Variants in RASAL1 observed in about 807,000 individuals in gnomAD.
The protein encoded by RASAL1 is rasGAP-activating-like protein 1.
A neutral mutation model predicts 96.6 loss-of-function variants in RASAL1; 72 were observed. The ratio of observed to expected loss-of-function variants is 0.75; its 90% confidence interval spans 0.62 to 0.91. The LOEUF is 0.91. Ranked by LOEUF, RASAL1 falls within the 40% of genes least tolerant of loss-of-function variation. The pLI is 0.00. For synonymous variants in RASAL1, 405 were observed against 430.4 expected, an observed-to-expected ratio of 0.94 and a Z score of 0.73; for missense variants, 1,016 against 1,072.5, an observed-to-expected ratio of 0.95 and a Z score of 0.74.
At position 113,135,322 on chromosome 12, in the gene RASAL1, C is replaced by T; in HGVS notation, c.65+76G>A. On this transcript the variant is annotated intron_variant, in intron 1 of 20. Transcript: ENST00000548055. The surrounding 1 kb of genome is among the most constrained non-coding windows in gnomAD (Gnocchi z 5.7). Reference sequence around the variant, plus strand: ...TCGCCCTCCTGCCAACCCGCCCTGGCACGCGGAAAGGGCGACGTCGGCCCC... The same window carrying T: ...TCGCCCTCCTGCCAACCCGCCCTGGTACGCGGAAAGGGCGACGTCGGCCCC... 3.5e-6 allele frequency: 5 copies of T among 1,412,080 alleles called. No homozygotes were observed. The highest frequency in any genetic ancestry group is 4.9e-6 in the Non-Finnish European group (5 of 1,024,338). 87.5% of individuals were successfully genotyped at this position (1,412,080 alleles called of 1,614,324 possible).
At chr12:113,101,827 C>T (rs1950456250) in intron 19 of RASAL1, 62 bp downstream of exon 19, 1 of 1,573,996 alleles carries the variant, frequency 6.4e-7, no homozygotes, top group Non-Finnish European at 8.6e-7. Flanking sequence ...ACAGCAAGGC[C>T]ACGGTGGGGG....
At position 113,130,935 on chromosome 12, in the gene RASAL1, C is replaced by T; in HGVS notation, c.72G>A (p.Gly24=). ...GRALPAKDVS[G]SSDPYCLVKV... ...TCACTAGGCAGTAGGGGTCGCTGCT[C>T]CCAGACCTGCAGAAGGAGGGAGTTC... Residue 24 remains glycine, a synonymous_variant, in exon 2 of 21, where the codon GGG becomes GGA. Transcript: ENST00000548055. This position sits in a 1 kb window ranked among gnomAD's most constrained non-coding sequence, Gnocchi z 5.1. The T allele has an allele frequency of 6.2e-7, 1 of 1,613,346 alleles. No homozygotes were observed. Among genetic ancestry groups the T allele is most frequent in the Non-Finnish European group, 8.5e-7 (1 of 1,179,702 alleles).
chr12:113,110,648 G>A (rs977040158), intron 13 of RASAL1, among the ~76,000 whole-genome samples: 28 of 152,166 alleles, frequency 1.8e-4, no homozygotes, highest in African/African-American at 4.6e-4. Flanking sequence ...GGCCGGGCGC[G>A]GTGGTTCACG....
At chr12:113,104,383 T>A (rs1459683892) in intron 16 of RASAL1, 85 bp from the exon 17 acceptor site, 1 of 1,352,946 alleles carries the variant, frequency 7.4e-7, no homozygotes, top group African/African-American at 1.4e-5. Context: ...GTGCAGCAGG[T>A]GGAGTCAGTT....
chr12:113,117,083 C>G lies in RASAL1; in HGVS notation c.721G>C (p.Glu241Gln). The change falls in exon 8 of 21, where the codon GAG (glutamate) becomes CAG (glutamine). Residue 241 changes from glutamate (E) to glutamine (Q), a missense_variant. By Grantham distance (29) the Glu-to-Gln change is conservative (BLOSUM62 2). Coordinates refer to ENST00000548055, the MANE Select transcript of RASAL1 (RefSeq NM_001301202.2). ...FRLLPFPRAE[E>Q]DSGGNLGALR... ...TGCACCCACATTTACCCAGAATCCT[C>G]CTCGGCTCTGGGAAAGGGCAGGAGG... 6.2e-7 allele frequency: 1 copy of G among 1,604,582 alleles called. No individual in the cohort carries two copies. The highest frequency in any genetic ancestry group is 8.5e-7 in the Non-Finnish European group (1 of 1,172,824).
rs187745478 is a variant in RASAL1 at position 113,104,845 on chromosome 12, A to G, written c.1831-547T>C. ...TTCTCTGGGCATCCATTTCCTTGTTAATAATAACTACCACTTCTATGGTAC... is the reference window on the plus strand; with the variant it reads ...TTCTCTGGGCATCCATTTCCTTGTTGATAATAACTACCACTTCTATGGTAC... On this transcript the variant is annotated intron_variant, in intron 16 of 20. Transcript: ENST00000548055. Among the ~76,000 whole-genome samples, 6 of 152,334 alleles carry G rather than the reference A, an allele frequency of 3.9e-5. 1 individual carries two copies. The highest frequency in any genetic ancestry group is 1.4e-4 in the African/African-American group (6 of 41,566).
intron 7 of RASAL1, among the ~76,000 whole-genome samples, 197 bp downstream of exon 7, chr12:113,118,931 G>C (rs1384228892): frequency 3.9e-5 from 6 of 152,158 alleles, no homozygotes; most frequent in Non-Finnish European, 4.4e-5. Context: ...ATAGGTTCCT[G>C]TACCTTTGAC....
chr12:113,136,713 A>G (rs1207900513), upstream of RASAL1, among the ~76,000 whole-genome samples: 1 of 152,248 alleles, frequency 6.6e-6, no homozygotes, highest in Admixed American at 6.5e-5. Flanking sequence ...GTTAATGAAG[A>G]TAAAAGTCTC....
intron 18 of RASAL1, 116 bp downstream of exon 18, chr12:113,103,830 G>C: frequency 7.6e-7 from 1 of 1,321,026 alleles, no homozygotes. Context: ...GGAGACTGAG[G>C]CATAGAGAGG....
In RASAL1 at chr12:113,135,645, G is replaced by C. The variant is rs1951886517; in HGVS notation, c.-183C>G. The C allele has an allele frequency of 1.7e-6, 1 of 601,460 alleles. No homozygotes were observed. The highest frequency in any genetic ancestry group is 3.0e-6 in the Non-Finnish European group (1 of 336,822). 37.3% of individuals were successfully genotyped at this position (601,460 alleles called of 1,614,324 possible). On this transcript the variant is annotated 5_prime_UTR_variant, in exon 1 of 21. Coordinates refer to ENST00000548055, the MANE Select transcript of RASAL1 (RefSeq NM_001301202.2). The surrounding 1 kb of genome is among the most constrained non-coding windows in gnomAD (Gnocchi z 5.7). Reference sequence around the variant, plus strand: ...AGAGGAGAAGGTGTAGGTGCCCGGGGAGGGAGCGCCCGTCCGGACTCTACA... The same window carrying C: ...AGAGGAGAAGGTGTAGGTGCCCGGGCAGGGAGCGCCCGTCCGGACTCTACA...
chr12:113,118,792 C>T (rs1951179136), intron 7 of RASAL1, among the ~76,000 whole-genome samples: 1 of 152,210 alleles, frequency 6.6e-6, no homozygotes, highest in Non-Finnish European at 1.5e-5. Flanking sequence ...CAGTCCCAGC[C>T]TCATAGGGTA....
chr12:113,117,892 G>A (rs889414003), intron 7 of RASAL1, among the ~76,000 whole-genome samples: 1 of 152,144 alleles, frequency 6.6e-6, no homozygotes, highest in African/African-American at 2.4e-5. Context: ...GACTCATAAC[G>A]TATAAGGAAA....
chr12:113,112,382 C>T (rs75703273), intron 12 of RASAL1, 104 bp from the exon 13 acceptor site: 10 of 886,010 alleles, frequency 1.1e-5, no homozygotes, highest in African/African-American at 3.5e-5. Context: ...CTTCCCTCCA[C>T]GTCCGCAGCC....
At chr12:113,121,440 C>G (rs1434455694) in intron 5 of RASAL1, 69 bp downstream of exon 5, 1 of 1,595,938 alleles carries the variant, frequency 6.3e-7, no homozygotes, top group Non-Finnish European at 8.6e-7. Flanking sequence ...CGCCAGGCAG[C>G]AGGGGAGACC....
rs1453326201 is a variant in RASAL1, at chr12:113,130,948, A to C, written c.66-7T>G. 1 of 1,612,276 alleles carries C rather than the reference A, an allele frequency of 6.2e-7. No homozygotes were observed. On this transcript the variant is annotated splice_region_variant and splice_polypyrimidine_tract_variant and intron_variant, in intron 1 of 20. Transcript: ENST00000548055. This position sits in a 1 kb window ranked among gnomAD's most constrained non-coding sequence, Gnocchi z 5.1. ...GGGGTCGCTGCTCCCAGACCTGCAG[A>C]AGGAGGGAGTTCAGGGAGGAAGCAG...
At chr12:113,120,519 T>C (rs1407555194) in intron 5 of RASAL1, among the ~76,000 whole-genome samples, 2 of 151,836 alleles carry the variant, frequency 1.3e-5, no homozygotes, top group Non-Finnish European at 2.9e-5. Context: ...AAGCTGGAAA[T>C]TGGAGGTCCT....
Position 113,115,903 on chromosome 12 carries a change from C to T in RASAL1, c.849+31G>A, listed in dbSNP as rs1276019613. 1.9e-6 allele frequency: 3 copies of T among 1,583,624 alleles called. No individual in the cohort carries two copies. The highest frequency in any genetic ancestry group is 2.6e-6 in the Non-Finnish European group (3 of 1,162,146). Reference sequence around the variant, plus strand: ...CCAGGATCCAGACCCCCGGCACCCGCCTGATAGCATTGCTTGCCTGACGCA... The same window carrying T: ...CCAGGATCCAGACCCCCGGCACCCGTCTGATAGCATTGCTTGCCTGACGCA... On this transcript the variant is annotated intron_variant, in intron 9 of 20. Transcript: ENST00000548055. This position sits in a 1 kb window ranked among gnomAD's most constrained non-coding sequence, Gnocchi z 4.1.
chr12:113,104,351 G>A, intron 16 of RASAL1, 53 bp from the exon 17 acceptor site: 1 of 1,503,336 alleles, frequency 6.7e-7, no homozygotes, highest in Non-Finnish European at 9.0e-7. Context: ...GGCCGGGGTG[G>A]GGACACCTTC....
In RASAL1 at chr12:113,135,374, C is replaced by G. The variant is rs773875544; in HGVS notation, c.65+24G>C. 24 of 1,599,780 alleles carry G rather than the reference C, an allele frequency of 1.5e-5. No homozygotes were observed. On this transcript the variant is annotated intron_variant, in intron 1 of 20. Coordinates refer to ENST00000548055, the MANE Select transcript of RASAL1 (RefSeq NM_001301202.2). The surrounding 1 kb of genome is among the most constrained non-coding windows in gnomAD (Gnocchi z 5.7). The stretch of plus-strand genomic sequence containing the variant: ...CCCCAGGCCTTGCGCGCCCCTCACC[C>G]AGAAGCGCCCGAGGAGTACTCACAC...
Sources: allele counts gnomAD v4.1 joint callset (sites outside exome capture counted in the v4.1 genomes callset), GRCh38; gene constraint gnomAD v4.1.1; non-coding constraint Gnocchi (gnomAD v3.1); transcripts MANE v1.5; gene names NCBI Gene and HGNC (gene_info 2026-07-23, HGNC 2026-07-21).